NDST4: variants seen among roughly 807,000 people sequenced by gnomAD.
NDST4 encodes N-deacetylase and N-sulfotransferase 4, also known as N-heparan sulfate sulfotransferase 4.
NDST4 carries 63 observed loss-of-function variants against 100.8 expected under a neutral mutation model. The ratio of observed to expected loss-of-function variants is 0.62; its 90% CI spans 0.51 to 0.77. The LOEUF is 0.77. Ranked by LOEUF, NDST4 falls within the 30% of genes least tolerant of loss-of-function variation. The pLI is 0.00. For missense variants in NDST4, 943 were observed against 1,018.4 expected (o/e 0.93, Z 1.01); for synonymous variants, 377 against 361.8 (o/e 1.04, Z -0.48).
intron 1 of NDST4, among the ~76,000 whole-genome samples, chr4:115,103,368 C>A (rs925810831): frequency 1.2e-4 from 18 of 152,026 alleles, no homozygotes; most frequent in African/African-American, 4.3e-4. Flanking sequence ...AATATGAACC[C>A]ACATTTTTAA....
At chr4:115,024,312 G>A (rs1008523490) in intron 2 of NDST4, among the ~76,000 whole-genome samples, 5 of 152,124 alleles carry the variant, frequency 3.3e-5, no homozygotes, top group Non-Finnish European at 5.9e-5. Context: ...GCTGCAGACA[G>A]GAAACTCCAC....
At chr4:115,071,317 CACAT>C (rs1360924379) in intron 2 of NDST4, among the ~76,000 whole-genome samples, 2 of 128,900 alleles carry the variant, frequency 1.6e-5, no homozygotes, top group Non-Finnish European at 3.3e-5. Context: ...CACACACACA[CACAT>C]TGATAGAGGG....
chr4:114,993,381 T>C (rs959555155), intron 2 of NDST4, among the ~76,000 whole-genome samples: 5 of 151,924 alleles, frequency 3.3e-5, no homozygotes, highest in African/African-American at 9.7e-5. Context: ...TTCCTTCACC[T>C]TGTAGCCTTA....
chr4:114,984,511 A>G (rs1258656387), intron 2 of NDST4, among the ~76,000 whole-genome samples: 6 of 152,180 alleles, frequency 3.9e-5, no homozygotes, highest in Non-Finnish European at 1.5e-5. Flanking sequence ...CAGCTACCTC[A>G]GAGTGATAGT....
chr4:114,840,688 C>A (rs776680713), intron 10 of NDST4, among the ~76,000 whole-genome samples: 1 of 152,026 alleles, frequency 6.6e-6, no homozygotes. Context: ...ATGAGGTATG[C>A]GGGAATAAGT....
intron 4 of NDST4, among the ~76,000 whole-genome samples, chr4:114,965,809 G>T (rs1726367425): frequency 6.6e-6 from 1 of 151,906 alleles, no homozygotes; most frequent in Admixed American, 6.6e-5. Flanking sequence ...AAACAGTTCA[G>T]TGTATGGTAT....
intron 6 of NDST4, among the ~76,000 whole-genome samples, chr4:114,912,591 A>G (rs10020187): frequency 0.01 from 1,542 of 152,256 alleles, 20 homozygotes; most frequent in African/African-American, 0.036. Flanking sequence ...TTAAACCTTC[A>G]AAGAAAACTC....
chr4:115,109,358 A>G (rs1729896171), intron 1 of NDST4, among the ~76,000 whole-genome samples: 1 of 151,972 alleles, frequency 6.6e-6, no homozygotes, highest in Non-Finnish European at 1.5e-5. Flanking sequence ...CATAAGTTCA[A>G]TTGATGGTGG....
At chr4:115,021,577 C>T (rs1375205858) in intron 2 of NDST4, among the ~76,000 whole-genome samples, 1 of 64,226 alleles carries the variant, frequency 1.6e-5, no homozygotes, top group Non-Finnish European at 3.1e-5. Flanking sequence ...TCCACATATA[C>T]ACATTCCATA....
chr4:114,872,705 A>G (rs370825173), intron 6 of NDST4, among the ~76,000 whole-genome samples: 1 of 152,094 alleles, frequency 6.6e-6, no homozygotes, highest in African/African-American at 2.4e-5. Flanking sequence ...AATCCTCTCA[A>G]TGCTGTTACA....
intron 1 of NDST4, among the ~76,000 whole-genome samples, chr4:115,098,655 C>A (rs1265694812): frequency 6.6e-6 from 1 of 152,046 alleles, no homozygotes; most frequent in East Asian, 1.9e-4. Context: ...ATAGTGATCC[C>A]AAAAATAAAC....
chr4:115,044,669 A>G (rs979740152), intron 2 of NDST4, among the ~76,000 whole-genome samples: 5 of 151,718 alleles, frequency 3.3e-5, no homozygotes, highest in African/African-American at 1.2e-4. Flanking sequence ...GTTAGGAAAC[A>G]AGACACCATG....
At chr4:115,081,130 C>T (rs1271723158) in intron 1 of NDST4, among the ~76,000 whole-genome samples, 5 of 151,168 alleles carry the variant, frequency 3.3e-5, no homozygotes, top group African/African-American at 1.2e-4. Flanking sequence ...CAAGAATCTG[C>T]CAACCCAAAG....
At chr4:114,967,797 T>A (rs279532) in intron 4 of NDST4, among the ~76,000 whole-genome samples, 44,728 of 147,176 alleles carry the variant, frequency 0.3, 6,660 homozygotes, top group South Asian at 0.46. Context: ...TTAAAAAAAA[T>A]TAGGTGTTTT....
intron 6 of NDST4, among the ~76,000 whole-genome samples, chr4:114,901,899 C>A (rs775991241): frequency 6.6e-5 from 10 of 151,736 alleles, no homozygotes; most frequent in Admixed American, 1.3e-4. Context: ...TAATCCAAGT[C>A]CATTTGCAAA....
intron 3 of NDST4, 42 bp from the exon 4 acceptor site, chr4:114,970,626 T>C: frequency 1.3e-6 from 2 of 1,550,900 alleles, no homozygotes; most frequent in Non-Finnish European, 1.8e-6. Flanking sequence ...TGAAAATTTC[T>C]TACTATCTTA....
chr4:115,103,939 A>G (rs996784393), intron 1 of NDST4, among the ~76,000 whole-genome samples: 1 of 152,156 alleles, frequency 6.6e-6, no homozygotes, highest in African/African-American at 2.4e-5. Context: ...AGATGTTCCT[A>G]TTTTAATACT....
intron 4 of NDST4, among the ~76,000 whole-genome samples, chr4:114,954,894 C>A (rs1263093236): frequency 1.3e-5 from 2 of 152,044 alleles, no homozygotes; most frequent in Non-Finnish European, 2.9e-5. Flanking sequence ...ACATGTGTAG[C>A]CCCTCCCACA....
At chr4:114,969,207 G>C (rs1242098833) in intron 4 of NDST4, among the ~76,000 whole-genome samples, 1 of 150,574 alleles carries the variant, frequency 6.6e-6, no homozygotes, top group Non-Finnish European at 1.5e-5. Flanking sequence ...CCAGCTACTT[G>C]GGAGGCTGAG....
Sources: gnomAD v4.1 joint callset for allele counts (sites outside exome capture counted in the v4.1 genomes callset) on GRCh38, gnomAD v4.1.1 for gene constraint, MANE v1.5 for transcripts, NCBI Gene and HGNC (gene_info 2026-07-23, HGNC 2026-07-21) for gene names.